FAM210A: variants seen among roughly 807,000 people sequenced by gnomAD.
FAM210A encodes the protein mitochondrial inner membrane scaffold 1.
FAM210A carries 13 observed loss-of-function variants against 25.3 expected under a neutral mutation model. The ratio of observed to expected loss-of-function variants is 0.51; its 90% CI spans 0.33 to 0.82. FAM210A has a LOEUF of 0.82. Among genes scored for constraint, FAM210A ranks in the 40% least tolerant of loss-of-function variants. The pLI, the probability that FAM210A is intolerant of heterozygous loss-of-function variation, is 0.02. For missense variants in FAM210A, 319 were observed against 323.2 expected (o/e 0.99, Z 0.10); for synonymous variants, 125 against 118.7 (o/e 1.05, Z -0.35).
intron 1 of FAM210A, among the ~76,000 whole-genome samples, chr18:13,691,341 T>G (rs1326830755): frequency 6.6e-6 from 1 of 152,188 alleles, no homozygotes; most frequent in Non-Finnish European, 1.5e-5. Context: ...TTCAGGATAT[T>G]ATCGAGGAGA....
chr18:13,703,674 CATCT>C (rs1173291567), intron 1 of FAM210A, among the ~76,000 whole-genome samples: 4 of 152,078 alleles, frequency 2.6e-5, no homozygotes, highest in Non-Finnish European at 1.5e-5. Flanking sequence ...AATTTTTTTC[CATCT>C]GTCTGTGTAG....
intron 1 of FAM210A, among the ~76,000 whole-genome samples, chr18:13,698,921 C>G (rs577473731): frequency 6.6e-6 from 1 of 152,124 alleles, no homozygotes; most frequent in Non-Finnish European, 1.5e-5. Context: ...GACATAAATG[C>G]CTGCAGTTGC....
chr18:13,684,514 G>C (rs1200127221), intron 1 of FAM210A, among the ~76,000 whole-genome samples: 10 of 151,978 alleles, frequency 6.6e-5, no homozygotes, highest in African/African-American at 2.4e-4. Flanking sequence ...ATGAAAAGAA[G>C]ACATAACAAT....
At chr18:13,686,912 G>A (rs1281562088) in intron 1 of FAM210A, among the ~76,000 whole-genome samples, 5 of 152,054 alleles carry the variant, frequency 3.3e-5, no homozygotes, top group Non-Finnish European at 5.9e-5. Flanking sequence ...CATTCCATGA[G>A]GCCAAAAGTG....
intron 1 of FAM210A, among the ~76,000 whole-genome samples, chr18:13,709,065 C>T (rs529617247): frequency 2.0e-5 from 3 of 152,188 alleles, no homozygotes; most frequent in Non-Finnish European, 4.4e-5. Flanking sequence ...CTGTCTGCTC[C>T]GTGACAGTCC....
intron 1 of FAM210A, among the ~76,000 whole-genome samples, chr18:13,724,721 G>A (rs988462155): frequency 6.6e-6 from 1 of 152,064 alleles, no homozygotes; most frequent in Non-Finnish European, 1.5e-5. Flanking sequence ...TCCCATCATC[G>A]TGGAGTTTTC....
chr18:13,688,105 T>C (rs1451514692), intron 1 of FAM210A, among the ~76,000 whole-genome samples: 2 of 152,032 alleles, frequency 1.3e-5, no homozygotes, highest in Non-Finnish European at 2.9e-5. Flanking sequence ...AAAGACAAGA[T>C]GAGATTAATT....
chr18:13,676,231 TCC>T, intron 2 of FAM210A, among the ~76,000 whole-genome samples: 1 of 135,536 alleles, frequency 7.4e-6, no homozygotes, highest in African/African-American at 2.9e-5. Context: ...ATTTCCAGTT[TCC>T]TGATTATTAA....
At chr18:13,683,738 G>A (rs2043574220) in intron 1 of FAM210A, among the ~76,000 whole-genome samples, 2 of 152,004 alleles carry the variant, frequency 1.3e-5, no homozygotes, top group African/African-American at 4.8e-5. Flanking sequence ...CCCAATGCCA[G>A]CTCTACCTTA....
intron 1 of FAM210A, among the ~76,000 whole-genome samples, chr18:13,713,314 A>G (rs960002081): frequency 1.8e-4 from 28 of 152,276 alleles, no homozygotes; most frequent in African/African-American, 6.5e-4. Context: ...CATACCTGAG[A>G]TAAGATTTTA....
At chr18:13,692,607 A>G (rs1481950486) in intron 1 of FAM210A, among the ~76,000 whole-genome samples, 1 of 152,230 alleles carries the variant, frequency 6.6e-6, no homozygotes, top group Admixed American at 6.5e-5. Context: ...AACTCACTCA[A>G]AACTGCTCAA....
At chr18:13,725,065 C>T (rs1404021343) in intron 1 of FAM210A, among the ~76,000 whole-genome samples, 1 of 152,166 alleles carries the variant, frequency 6.6e-6, no homozygotes, top group Non-Finnish European at 1.5e-5. Flanking sequence ...GCCACTGCAC[C>T]CGGTGTTTAA....
intron 2 of FAM210A, among the ~76,000 whole-genome samples, chr18:13,680,561 T>C (rs1395530109): frequency 6.6e-6 from 1 of 152,236 alleles, no homozygotes; most frequent in Non-Finnish European, 1.5e-5. Context: ...TCCATCATCC[T>C]GGAAGAGCTA....
chr18:13,714,030 C>T (rs1367100812), intron 1 of FAM210A, among the ~76,000 whole-genome samples: 1 of 152,178 alleles, frequency 6.6e-6, no homozygotes, highest in Non-Finnish European at 1.5e-5. Context: ...TACCTAAAAT[C>T]TACTAACGTA....
At chr18:13,688,108 G>C (rs1012736917) in intron 1 of FAM210A, among the ~76,000 whole-genome samples, 10 of 152,114 alleles carry the variant, frequency 6.6e-5, no homozygotes, top group African/African-American at 1.7e-4. Flanking sequence ...GACAAGATGA[G>C]ATTAATTATT....
intron 1 of FAM210A, among the ~76,000 whole-genome samples, chr18:13,711,287 C>T (rs1306216065): frequency 6.6e-6 from 1 of 152,092 alleles, no homozygotes; most frequent in East Asian, 1.9e-4. Flanking sequence ...AGGAGAATCC[C>T]TTGAACCCAG....
chr18:13,721,499 C>A (rs1288081834), intron 1 of FAM210A, among the ~76,000 whole-genome samples: 1 of 152,174 alleles, frequency 6.6e-6, no homozygotes, highest in Non-Finnish European at 1.5e-5. Context: ...TAAGTGCACT[C>A]ATCTCTGCAA....
intron 1 of FAM210A, among the ~76,000 whole-genome samples, chr18:13,702,059 A>G (rs1445518298): frequency 1.3e-5 from 2 of 152,234 alleles, no homozygotes; most frequent in Non-Finnish European, 2.9e-5. Context: ...TCCACAAAAC[A>G]GAAAAAGATG....
chr18:13,708,808 G>A (rs139733760), intron 1 of FAM210A, among the ~76,000 whole-genome samples: 25 of 151,880 alleles, frequency 1.6e-4, no homozygotes, highest in Admixed American at 3.9e-4. Flanking sequence ...TAGTACTAGC[G>A]CCTTGCCTGA....
Sources: allele counts gnomAD v4.1 joint callset (sites outside exome capture counted in the v4.1 genomes callset), GRCh38; gene constraint gnomAD v4.1.1; transcripts MANE v1.5; gene names NCBI Gene and HGNC (gene_info 2026-07-23, HGNC 2026-07-21).